Variants in GNE observed in about 807,000 individuals in gnomAD.
GNE encodes the protein bifunctional UDP-N-acetylglucosamine 2-epimerase/N-acetylmannosamine kinase.
In GNE, 41 loss-of-function variants were observed where a neutral mutation model predicts 61.8. The ratio of observed to expected loss-of-function variants is 0.66; its 90% confidence interval spans 0.52 to 0.86. The LOEUF (loss-of-function observed/expected upper bound fraction) is 0.86, where lower values mean the gene tolerates loss of function less well. Ranked by LOEUF, GNE falls within the 40% of genes least tolerant of loss-of-function variation. The pLI, the probability that GNE is intolerant of heterozygous loss-of-function variation, is 0.00. For missense variants in GNE, 608 were observed against 909.1 expected, an observed-to-expected ratio of 0.67 and a Z score of 4.26; for synonymous variants, 264 against 326.4, an observed-to-expected ratio of 0.81 and a Z score of 2.06.
chr9:36,217,751 AT>A, intron 11 of GNE, 151 bp from the exon 12 acceptor site: 2 of 680,722 alleles, frequency 2.9e-6, no homozygotes, highest in Non-Finnish European at 5.3e-6. Flanking sequence ...TTCACGGTTG[AT>A]TCTTAATATG....
upstream of GNE, among the ~76,000 whole-genome samples, chr9:36,260,666 G>A (rs997547904): frequency 6.6e-6 from 1 of 151,738 alleles, no homozygotes; most frequent in Non-Finnish European, 1.5e-5. Flanking sequence ...TGAGGAGATC[G>A]AGACCATCCT....
intron 2 of GNE, among the ~76,000 whole-genome samples, chr9:36,246,710 C>A (rs1829894528): frequency 6.8e-6 from 1 of 146,682 alleles, no homozygotes; most frequent in Non-Finnish European, 1.5e-5. Context: ...GCTCTGTTGC[C>A]CAGGCTGGAG....
At chr9:36,248,537 T>C (rs1010071487) in intron 2 of GNE, among the ~76,000 whole-genome samples, 4 of 151,876 alleles carry the variant, frequency 2.6e-5, no homozygotes, top group Non-Finnish European at 1.5e-5. Context: ...TTGGCCAGGC[T>C]GGTCTCAAAT....
chr9:36,259,578 G>T (rs1366824821), upstream of GNE, among the ~76,000 whole-genome samples: 1 of 152,130 alleles, frequency 6.6e-6, no homozygotes, highest in Non-Finnish European at 1.5e-5. Flanking sequence ...TGGCTAGCTT[G>T]GAGCCACGAA....
intron 1 of GNE, among the ~76,000 whole-genome samples, chr9:36,266,289 T>C (rs1801518061): frequency 6.6e-6 from 1 of 152,160 alleles, no homozygotes; most frequent in Admixed American, 6.5e-5. Context: ...GGCCCAGGGG[T>C]TGGGGACCCC....
chr9:36,264,378 G>A (rs1830700007), intron 1 of GNE, among the ~76,000 whole-genome samples: 1 of 151,930 alleles, frequency 6.6e-6, no homozygotes, highest in Non-Finnish European at 1.5e-5. Context: ...CAGGCAATCC[G>A]CCTGCCTTGG....
At chr9:36,257,338 A>G (rs1830397959) in intron 1 of GNE, among the ~76,000 whole-genome samples, 2 of 152,248 alleles carry the variant, frequency 1.3e-5, no homozygotes, top group Middle Eastern at 3.4e-3. Context: ...AGCTATATAA[A>G]GCTGTCTGAA....
intron 1 of GNE, among the ~76,000 whole-genome samples, chr9:36,257,438 A>G (rs1328321063): frequency 6.6e-6 from 1 of 151,992 alleles, no homozygotes; most frequent in African/African-American, 2.4e-5. Context: ...ATACTGCGAA[A>G]CTGTACCCCA....
At chr9:36,268,121 A>G (rs574714002) in intron 1 of GNE, among the ~76,000 whole-genome samples, 6 of 152,232 alleles carry the variant, frequency 3.9e-5, no homozygotes, top group Admixed American at 3.9e-4. Flanking sequence ...CCTGGGCAAC[A>G]GAGTGAGACC....
intron 7 of GNE, among the ~76,000 whole-genome samples, chr9:36,223,995 G>A (rs558999290): frequency 6.6e-6 from 1 of 151,936 alleles, no homozygotes; most frequent in Admixed American, 6.5e-5. Context: ...CAAGCAATCC[G>A]CCTGCCTCGG....
At chr9:36,260,740 G>A (rs1391415535), upstream of GNE, among the ~76,000 whole-genome samples, 15 of 151,430 alleles carry the variant, frequency 9.9e-5, no homozygotes, top group African/African-American at 3.6e-4. Flanking sequence ...GTGGTGGCGG[G>A]CGCCTGTAGT....
In GNE at chr9:36,276,892, A is replaced by T; in HGVS notation, c.51+2T>A. ...AGCTCTATTGAATTCCGAATTACTT[A>T]CATGAGGTCCTTGAAAGCATGACTC... On this transcript the variant is annotated splice_donor_variant, in intron 1 of 11. Transcript: ENST00000396594. LOFTEE classifies it high-confidence loss of function. The T allele has an allele frequency of 6.2e-7, 1 of 1,608,344 alleles. No homozygotes were observed. The highest frequency in any genetic ancestry group is 1.3e-5 in the African/African-American group (1 of 74,812).
rs1830479250 is a variant in GNE at position 36,258,283 on chromosome 9, T to G, written c.-43+38A>C. On this transcript the variant is annotated intron_variant, in intron 1 of 11. Transcript: ENST00000642385. ...GAGGCGGCCCTGGGGGTGGGCAGGA[T>G]GCTCTCCCGGAGTCCCACGCCGCCG... The G allele has an allele frequency of 1.1e-5, 11 of 979,152 alleles. No homozygotes were observed. In the South Asian group the frequency reaches 1.9e-4, roughly 17 times the overall value. The allele number at this position is 979,152 out of a possible 1,614,324, so 60.7% of individuals were successfully genotyped here.
intron 3 of GNE, among the ~76,000 whole-genome samples, chr9:36,238,934 C>T (rs1829520875): frequency 6.6e-6 from 1 of 152,182 alleles, no homozygotes; most frequent in South Asian, 2.1e-4. Context: ...GATCCAGTTT[C>T]ATTCTCCTAC....
chr9:36,272,781 G>A (rs1187121014), intron 1 of GNE, among the ~76,000 whole-genome samples: 1 of 151,388 alleles, frequency 6.6e-6, no homozygotes, highest in Non-Finnish European at 1.5e-5. Flanking sequence ...ATAAGAATGT[G>A]GAGAAGGGGC....
At chr9:36,223,688 G>A (rs1828715540) in intron 7 of GNE, among the ~76,000 whole-genome samples, 186 bp from the exon 8 acceptor site, 1 of 151,996 alleles carries the variant, frequency 6.6e-6, no homozygotes. Context: ...AGTAGTTCCT[G>A]TAATCTGTCC....
rs570955402 is a variant in GNE at position 36,243,415 on chromosome 9, G to A, written c.616+2616C>T. ...TTCCAGAATACCTAGAGAGCTAATGGTATAATTAGAACAGAATCCAAGAGT... is the reference window on the plus strand; with the variant it reads ...TTCCAGAATACCTAGAGAGCTAATGATATAATTAGAACAGAATCCAAGAGT... On this transcript the variant is annotated intron_variant, in intron 3 of 11. Transcript: ENST00000642385. 1.9e-4 allele frequency among the ~76,000 whole-genome samples: 29 copies of A among 152,242 alleles called. 1 individual carries two copies. In the South Asian group the frequency reaches 4.1e-3, roughly 22 times the overall value.
Position 36,218,872 on chromosome 9 carries a change from A to G in GNE, c.1817-573T>C, listed in dbSNP as rs1334277114. On this transcript the variant is annotated intron_variant, in intron 10 of 11. Coordinates refer to ENST00000642385, the MANE Select transcript of GNE (RefSeq NM_005476.7). This position sits in a 1 kb window ranked among gnomAD's most constrained non-coding sequence, Gnocchi z 4.1. ...GTTATTTGAGGAACGGAATGAGATC[A>G]TGGACATAAAGTATTTAGTTAAGTG... 1.3e-5 allele frequency among the ~76,000 whole-genome samples: 2 copies of G among 152,236 alleles called. No individual in the cohort carries two copies. The highest frequency in any genetic ancestry group is 2.4e-5 in the African/African-American group (1 of 41,466).
upstream of GNE, among the ~76,000 whole-genome samples, chr9:36,258,996 C>G (rs1587368338): frequency 2.0e-5 from 3 of 152,298 alleles, no homozygotes; most frequent in Admixed American, 2.0e-4. Context: ...CAGGGAACTC[C>G]CAGCCAGTCC....
Sources: allele counts gnomAD v4.1 joint callset (sites outside exome capture counted in the v4.1 genomes callset), GRCh38; gene constraint gnomAD v4.1.1; non-coding constraint Gnocchi (gnomAD v3.1); transcripts MANE v1.5; gene names NCBI Gene and HGNC (gene_info 2026-07-23, HGNC 2026-07-21).